The following MAPK8IP3 variants were observed in gnomAD, a reference collection of about 807,000 sequenced individuals.
The protein encoded by MAPK8IP3 is mitogen-activated protein kinase 8 interacting protein 3.
MAPK8IP3 carries 49 observed loss-of-function variants against 157.8 expected under a neutral mutation model. The observed-to-expected ratio is 0.31, with a 90% confidence interval of 0.25 to 0.39. The LOEUF is 0.39. MAPK8IP3 is among the 10% of genes least tolerant of loss of function. MAPK8IP3 has a pLI of 1.00. For missense variants in MAPK8IP3, 1,478 were observed against 1,889.4 expected (o/e 0.78, Z 4.04); for synonymous variants, 897 against 777.7 (o/e 1.15, Z -2.55).
chr16:1,760,658 T>A (rs1034780062), intron 12 of MAPK8IP3, 126 bp downstream of exon 12: 1 of 1,215,538 alleles, frequency 8.2e-7, no homozygotes, highest in Non-Finnish European at 1.1e-6. Context: ...TACCTCCAGC[T>A]CCAGCTCACA....
chr16:1,753,912 G>T (rs1294849162), intron 8 of MAPK8IP3, among the ~76,000 whole-genome samples: 3 of 151,252 alleles, frequency 2.0e-5, no homozygotes, highest in Non-Finnish European at 4.4e-5. Context: ...AGTGGCTCAC[G>T]CCTATAATCC....
In MAPK8IP3 at chr16:1,766,643, C is replaced by T. The variant is rs779278747; in HGVS notation, c.2934C>T (p.Asn978=). 7.4e-6 allele frequency: 12 copies of T among 1,612,194 alleles called. No individual in the cohort carries two copies. Among genetic ancestry groups the T allele is most frequent in the South Asian group, 3.3e-5 (3 of 91,076 alleles). ...CCACCATGTGGCTGGGAGCCCAGAACGGCTGGTAGGAAGGGCCCGGGGCAA... is the reference window on the plus strand; with the variant it reads ...CCACCATGTGGCTGGGAGCCCAGAATGGCTGGTAGGAAGGGCCCGGGGCAA... The part of the protein sequence containing the change: ...AAPTMWLGAQ[N]GWLYVHSAVA... Residue 978 remains asparagine, a synonymous_variant, in exon 23 of 32, where the codon AAC becomes AAT. Coordinates refer to ENST00000610761, the MANE Select transcript of MAPK8IP3 (RefSeq NM_001318852.2).
chr16:1,747,637 G>T (rs894269968), intron 6 of MAPK8IP3, among the ~76,000 whole-genome samples: 2 of 152,216 alleles, frequency 1.3e-5, no homozygotes, highest in African/African-American at 2.4e-5. Context: ...ATGCTAGGGG[G>T]TATCTATTAA....
intron 2 of MAPK8IP3, among the ~76,000 whole-genome samples, chr16:1,726,683 A>G (rs546436041): frequency 1.3e-5 from 2 of 152,278 alleles, no homozygotes; most frequent in Non-Finnish European, 2.9e-5. Flanking sequence ...CTCAAAAAAA[A>G]TCAAATTACA....
At chr16:1,723,215 AGTAGAAACAGAGTTTCACCAT>A (rs2142327773) in intron 1 of MAPK8IP3, among the ~76,000 whole-genome samples, 1 of 151,280 alleles carries the variant, frequency 6.6e-6, no homozygotes, top group African/African-American at 2.4e-5. Flanking sequence ...TGTATTTTTT[AGTAGAAACAGAGTTTCACCAT>A]GTTGGTCAGG....
rs936465243 is a variant in MAPK8IP3, at chr16:1,742,739, T to C, written c.603-593T>C. ...CAATGGTCCTAAAAGGCATTGCTCA[T>C]GGTGGCCGTGCAGCGCTGACCGTGA... On this transcript the variant is annotated intron_variant, in intron 4 of 31. Transcript: ENST00000610761. This position sits in a 1 kb window ranked among gnomAD's most constrained non-coding sequence, Gnocchi z 5.0. Among the ~76,000 whole-genome samples the C allele has an allele frequency of 6.6e-6, 1 of 152,138 alleles. No homozygotes were observed. Among genetic ancestry groups the C allele is most frequent in the African/African-American group, 2.4e-5 (1 of 41,428 alleles).
intron 1 of MAPK8IP3, among the ~76,000 whole-genome samples, chr16:1,722,607 A>G (rs556174371): frequency 1.3e-5 from 2 of 152,050 alleles, no homozygotes; most frequent in Non-Finnish European, 2.9e-5. Flanking sequence ...GCTCAGGCCT[A>G]TAATCCCAGC....
rs2042351138 is a variant in MAPK8IP3, at chr16:1,767,655, C to G, written c.3329C>G (p.Ser1110Cys). The change falls in exon 27 of 32, where the codon TCC (serine) becomes TGC (cysteine). Residue 1110 changes from serine to cysteine, a missense_variant. Physicochemically the swap from Ser to Cys is moderately radical, Grantham distance 112. Around this residue, in one of 11 missense-constraint regions of MAPK8IP3, gnomAD observed 68 missense variants for 125.1 expected, o/e 0.54. Transcript: ENST00000610761. ...DGVWVSIRLD[S>C]TLRLYHAHTH... The stretch of plus-strand genomic sequence containing the variant: ...GTATGGGTGTCCATCCGCCTGGACT[C>G]CACCCTGAGGCTCTACCATGCACAC... 6.2e-7 allele frequency: 1 copy of G among 1,612,750 alleles called. No individual in the cohort carries two copies. Among genetic ancestry groups the G allele is most frequent in the Non-Finnish European group, 8.5e-7 (1 of 1,179,980 alleles).
rs759017368 is a variant in MAPK8IP3, at chr16:1,768,288, A to G, written c.3652A>G (p.Ser1218Gly). ...YGDDSSDRAA[S>G]SFIPYCSMAQ... is the part of the protein sequence containing the mutation. The stretch of plus-strand genomic sequence containing the variant: ...CGATGACAGCAGTGACAGGGCGGCC[A>G]GCAGCTTCATCCCCTACTGCTCCAT... Residue 1218 changes from serine to glycine, a missense_variant, in exon 30 of 32, where the codon AGC (serine) becomes GGC (glycine). Around this residue, in one of 11 missense-constraint regions of MAPK8IP3, gnomAD observed 83 missense variants for 85.3 expected, o/e 0.97. Transcript: ENST00000610761. 2 of 1,611,228 alleles carry G rather than the reference A, an allele frequency of 1.2e-6. No homozygotes were observed. The highest frequency in any genetic ancestry group is 1.7e-6 in the Non-Finnish European group (2 of 1,179,984).
rs1473006979 is a variant in MAPK8IP3, at chr16:1,729,627, A to G, written c.602+49A>G. On this transcript the variant is annotated intron_variant, in intron 4 of 31. Transcript: ENST00000610761. ...AGGTACGCGGGGCGCGGCGGGGCGGAGGTACGCAGGACGCGGCACATGCCA... is the reference window on the plus strand; with the variant it reads ...AGGTACGCGGGGCGCGGCGGGGCGGGGGTACGCAGGACGCGGCACATGCCA... The G allele has an allele frequency of 3.3e-6, 5 of 1,519,550 alleles. No homozygotes were observed. The East Asian group carries it at 1.2e-4, about 36-fold the overall frequency. 94.1% of individuals were successfully genotyped at this position (1,519,550 alleles called of 1,614,324 possible). A position where few individuals can be genotyped will look rare whatever the true frequency, so the allele number is the denominator to read the frequency against.
rs1355061757 is a variant in MAPK8IP3 at position 1,751,317 on chromosome 16, G to A, written c.1216+2597G>A. On this transcript the variant is annotated intron_variant, in intron 8 of 31. Coordinates refer to ENST00000610761, the MANE Select transcript of MAPK8IP3 (RefSeq NM_001318852.2). The surrounding 1 kb of genome is among the most constrained non-coding windows in gnomAD (Gnocchi z 5.0). The stretch of plus-strand genomic sequence containing the variant: ...TAAAAATACAAAAAGAAATTAGCTG[G>A]GCCTGGTGGCGGGCACCTGTAATCC... Among the ~76,000 whole-genome samples, 1 of 152,052 alleles carries A rather than the reference G, an allele frequency of 6.6e-6. No homozygotes were observed. Among genetic ancestry groups the A allele is most frequent in the East Asian group, 1.9e-4 (1 of 5,162 alleles).
At chr16:1,761,118 C>G (rs1276165386) in intron 12 of MAPK8IP3, 106 bp from the exon 13 acceptor site, 1 of 885,506 alleles carries the variant, frequency 1.1e-6, no homozygotes, top group African/African-American at 1.6e-5. Flanking sequence ...AGCCCCCAGC[C>G]CTGCACAGAG....
Position 1,738,061 on chromosome 16 carries a change from T to C in MAPK8IP3, c.603-5271T>C, listed in dbSNP as rs188063225. ...GAGCGTGTGACCGTCCGTGTGAGTG[T>C]GTGACCATCCGTGTGAGAGTGTGAC... On this transcript the variant is annotated intron_variant, in intron 4 of 31. Transcript: ENST00000610761. Among the ~76,000 whole-genome samples the C allele has an allele frequency of 4.6e-4, 40 of 87,422 alleles. 1 individual carries two copies. Among genetic ancestry groups the C allele is most frequent in the African/African-American group, 1.8e-3 (37 of 20,468 alleles). The allele number at this position is 87,422 out of a possible 152,430, so 57.4% of individuals were successfully genotyped here.
intron 13 of MAPK8IP3, 76 bp downstream of exon 13, chr16:1,761,381 C>A: frequency 7.9e-7 from 1 of 1,261,688 alleles, no homozygotes. Context: ...CACCGTTCAC[C>A]ATTCACACAC....
chr16:1,727,314 T>A (rs1170814987), intron 2 of MAPK8IP3, among the ~76,000 whole-genome samples: 1 of 152,038 alleles, frequency 6.6e-6, no homozygotes, highest in Non-Finnish European at 1.5e-5. Flanking sequence ...GAGTGTCGTG[T>A]GCTGTGTGCG....
At chr16:1,757,908 G>A (rs1396016113) in intron 8 of MAPK8IP3, among the ~76,000 whole-genome samples, 1 of 152,208 alleles carries the variant, frequency 6.6e-6, no homozygotes, top group Non-Finnish European at 1.5e-5. Flanking sequence ...GTCAGGGCTC[G>A]GCAACACAGC....
intron 12 of MAPK8IP3, 96 bp from the exon 13 acceptor site, chr16:1,761,128 G>C (rs1017297080): frequency 1.0e-6 from 1 of 976,536 alleles, no homozygotes; most frequent in Non-Finnish European, 1.6e-6. Flanking sequence ...CCTGCACAGA[G>C]GCAAGGACAC....
Position 1,768,553 on chromosome 16 carries a change from G to C in MAPK8IP3, c.3819G>C (p.Ser1273=), listed in dbSNP as rs766380329. The C allele has an allele frequency of 1.3e-6, 2 of 1,569,898 alleles. No homozygotes were observed. The highest frequency in any genetic ancestry group is 1.7e-6 in the Non-Finnish European group (2 of 1,158,696). The part of the protein sequence containing the change: ...AEGPGPAAPA[S]EVEGQKLRNV... ...GCCCTGGGCCAGCTGCCCCTGCCTC[G>C]GAGGTCGAGGGCCAGAAGCTGCGGA... The change falls in exon 31 of 32, where the codon TCG becomes TCC. Residue 1273 remains serine, a synonymous_variant. Transcript: ENST00000610761.
At chr16:1,712,297 G>A (rs1187683746) in intron 1 of MAPK8IP3, among the ~76,000 whole-genome samples, 11 of 151,730 alleles carry the variant, frequency 7.2e-5, no homozygotes, top group Admixed American at 2.6e-4. Context: ...TGCTGACCTC[G>A]TGATCCACCC....
Sources: gnomAD v4.1 joint callset for allele counts (sites outside exome capture counted in the v4.1 genomes callset) on GRCh38, gnomAD v4.1.1 for gene constraint, gnomAD v4.1.1 regional missense constraint, Gnocchi (gnomAD v3.1) non-coding constraint, MANE v1.5 for transcripts, NCBI Gene and HGNC (gene_info 2026-07-23, HGNC 2026-07-21) for gene names.